Variants in GPCPD1 observed in about 807,000 individuals in gnomAD.
GPCPD1 encodes glycerophosphocholine phosphodiesterase 1.
A neutral mutation model predicts 89.2 loss-of-function variants in GPCPD1; 29 were observed. That is an observed-to-expected ratio of 0.33 (90% CI 0.24 to 0.44). The LOEUF (loss-of-function observed/expected upper bound fraction) is 0.44. Ranked by LOEUF, GPCPD1 falls within the 20% of genes least tolerant of loss-of-function variation. GPCPD1 has a pLI of 1.00. For synonymous variants in GPCPD1, 258 were observed against 266.3 expected (o/e 0.97, Z 0.30); for missense variants, 594 against 808.9 (o/e 0.73, Z 3.22).
At chr20:5,594,198 T>C (rs1979535500) in intron 3 of GPCPD1, among the ~76,000 whole-genome samples, 1 of 152,190 alleles carries the variant, frequency 6.6e-6, no homozygotes, top group Non-Finnish European at 1.5e-5. Context: ...GGGAGCTTCT[T>C]AGAAATGCAA....
intron 7 of GPCPD1, 66 bp from the exon 8 acceptor site, chr20:5,578,677 C>T (rs1420422911): frequency 2.1e-6 from 2 of 974,950 alleles, no homozygotes; most frequent in African/African-American, 3.2e-5. Flanking sequence ...ACAAATGTTG[C>T]CTAAATTCTA....
At chr20:5,553,164 C>G (rs1311768793) in intron 19 of GPCPD1, among the ~76,000 whole-genome samples, 2 of 152,170 alleles carry the variant, frequency 1.3e-5, no homozygotes, top group African/African-American at 4.8e-5. Flanking sequence ...ACAGCATCTG[C>G]TCACTTCATA....
intron 19 of GPCPD1, among the ~76,000 whole-genome samples, chr20:5,552,598 T>C (rs1985487124): frequency 6.6e-6 from 1 of 152,238 alleles, no homozygotes; most frequent in Non-Finnish European, 1.5e-5. Flanking sequence ...AATACACATA[T>C]AACCATATAC....
chr20:5,594,723 G>A (rs1416512984), intron 3 of GPCPD1, among the ~76,000 whole-genome samples: 1 of 152,196 alleles, frequency 6.6e-6, no homozygotes, highest in African/African-American at 2.4e-5. Context: ...TCCTTACTCT[G>A]ATACAAGCTT....
In GPCPD1 at chr20:5,558,675, A is replaced by G. The variant is rs765966956; in HGVS notation, c.1668+9T>C. ...ACATTAAAAAGATAAAAATTCAAAC[A>G]TAACTTACCAGTAGATTTTCAAACT... On this transcript the variant is annotated intron_variant, in intron 18 of 19. Transcript: ENST00000379019. 5 of 1,513,440 alleles carry G rather than the reference A, an allele frequency of 3.3e-6. No homozygotes were observed. In the East Asian group the frequency reaches 9.3e-5, roughly 28 times the overall value. 93.8% of individuals were successfully genotyped at this position (1,513,440 alleles called of 1,614,324 possible).
chr20:5,561,213 A>G (rs575295652), intron 16 of GPCPD1, among the ~76,000 whole-genome samples: 1 of 152,300 alleles, frequency 6.6e-6, no homozygotes, highest in East Asian at 1.9e-4. Context: ...CCCCAAAACC[A>G]CCATATTGTT....
At chr20:5,567,725 C>T in intron 12 of GPCPD1, 165 bp from the exon 13 acceptor site, 1 of 610,336 alleles carries the variant, frequency 1.6e-6, no homozygotes, top group Non-Finnish European at 2.6e-6. Context: ...CCATGCAGGA[C>T]AGCCCTTCTA....
At chr20:5,575,041 C>T (rs1005232090) in intron 10 of GPCPD1, among the ~76,000 whole-genome samples, 5 of 152,194 alleles carry the variant, frequency 3.3e-5, no homozygotes, top group Admixed American at 3.3e-4. Context: ...TTTAGTCACA[C>T]TTTTCTAGAC....
chr20:5,578,537 G>C lies in GPCPD1; in HGVS notation c.548C>G (p.Ser183Cys). The C allele has an allele frequency of 6.2e-7, 1 of 1,613,706 alleles. No individual in the cohort carries two copies. The highest frequency in any genetic ancestry group is 8.5e-7 in the Non-Finnish European group (1 of 1,179,610). ...TATTAAGGATATCTCCAAGCTATTG[G>C]ACATTTTGTGGAGTACAGTGGGAGA... ...RVSPTVLHKMSNSLEISLISD... is the reference protein window; with the variant it reads ...RVSPTVLHKMCNSLEISLISD... Residue 183 changes from serine to cysteine, a missense_variant, in exon 8 of 20, where the codon TCC becomes TGC. Coordinates refer to ENST00000379019, the MANE Select transcript of GPCPD1 (RefSeq NM_019593.5).
chr20:5,564,203 A>C (rs1986244633), intron 15 of GPCPD1, among the ~76,000 whole-genome samples: 1 of 152,048 alleles, frequency 6.6e-6, no homozygotes, highest in East Asian at 1.9e-4. Flanking sequence ...TTTTGTGTGA[A>C]GATCTATTTT....
chr20:5,604,306 C>A, intron 2 of GPCPD1, 58 bp downstream of exon 2: 1 of 874,454 alleles, frequency 1.1e-6, no homozygotes, highest in South Asian at 1.4e-5. Context: ...TAAGGTAATC[C>A]AGATAAGAAA....
chr20:5,589,568 T>G (rs1568670465), intron 4 of GPCPD1, among the ~76,000 whole-genome samples: 1 of 152,056 alleles, frequency 6.6e-6, no homozygotes, highest in Non-Finnish European at 1.5e-5. Flanking sequence ...GCCATTACAC[T>G]CCAGCCTGGG....
rs1401674425 is a variant in GPCPD1, at chr20:5,546,615, C to T, written c.*1046G>A. The T allele has an allele frequency of 1.3e-5, 2 of 152,210 alleles. No homozygotes were observed. Among genetic ancestry groups the T allele is most frequent in the Non-Finnish European group, 2.9e-5 (2 of 68,034 alleles). The allele number at this position is 152,210 out of a possible 1,614,324, so 9.4% of individuals were successfully genotyped here. A position where few individuals can be genotyped will look rare whatever the true frequency, so the allele number is the denominator to read the frequency against. ...CCTACATTTCTAAATAAATTACATG[C>T]ATGATATACAATAAAGAATACTAAT... is the stretch of plus-strand genomic sequence containing the variant. On this transcript the variant is annotated 3_prime_UTR_variant, in exon 20 of 20. Transcript: ENST00000379019.
chr20:5,567,659 G>A, intron 12 of GPCPD1, 99 bp from the exon 13 acceptor site: 1 of 1,086,090 alleles, frequency 9.2e-7, no homozygotes, highest in Non-Finnish European at 1.3e-6. Context: ...CACTAGACAG[G>A]CCTAGCAACT....
In GPCPD1 at chr20:5,544,989, T is replaced by C. The variant is rs11571; in HGVS notation, c.*2672A>G. 0.21 allele frequency: 32,472 copies of C among 151,974 alleles called. 3,540 individuals are homozygous for C. Among genetic ancestry groups the C allele is most frequent in the Middle Eastern group, 0.31 (91 of 294 alleles). 9.4% of individuals were successfully genotyped at this position (151,974 alleles called of 1,614,324 possible). On this transcript the variant is annotated 3_prime_UTR_variant, in exon 20 of 20. Transcript: ENST00000379019. ...ACTTTCCACACAGGGGTGGGTGGTGTGCCTCACATTTACAGCCGATCATTT... is the reference window on the plus strand; with the variant it reads ...ACTTTCCACACAGGGGTGGGTGGTGCGCCTCACATTTACAGCCGATCATTT...
intron 19 of GPCPD1, among the ~76,000 whole-genome samples, chr20:5,550,093 T>TG (rs1985295440): frequency 6.6e-6 from 1 of 151,460 alleles, no homozygotes; most frequent in Admixed American, 6.6e-5. Context: ...CTTGGGAGAC[T>TG]GAGGCATGAG....
At chr20:5,553,667 G>A (rs1181145186) in intron 19 of GPCPD1, among the ~76,000 whole-genome samples, 2 of 152,144 alleles carry the variant, frequency 1.3e-5, no homozygotes, top group Admixed American at 6.5e-5. Context: ...TTGCTGATAA[G>A]GAGAAAGTTT....
At chr20:5,585,628 C>CAAAAAAAAAAAAAAAAAA (rs11481998) in intron 5 of GPCPD1, 3 of 121,036 alleles carry the variant, frequency 2.5e-5, no homozygotes, top group African/African-American at 3.0e-5. Flanking sequence ...AAAAAAAAGA[C>CAAAAAAAAAAAAAAAAAA]AAAAAAAAAA....
In GPCPD1 at chr20:5,575,515, C is replaced by G. The variant is rs774401526; in HGVS notation, c.899G>C (p.Gly300Ala). The change falls in exon 10 of 20, where the codon GGA (glycine) becomes GCA (alanine). Residue 300 changes from glycine to alanine, a missense_variant. By Grantham distance (60) the Gly-to-Ala change is moderately conservative. Transcript: ENST00000379019. The stretch of plus-strand genomic sequence containing the variant: ...TGAAGATTTCATGTCACAACTGTAT[C>G]CTGGTAATGGCTTAATAATTATATA... ...VDYIIIKPLP[G>A]YSCDMKSSFS... The G allele has an allele frequency of 1.3e-6, 2 of 1,583,506 alleles. No homozygotes were observed. The highest frequency in any genetic ancestry group is 1.7e-6 in the Non-Finnish European group (2 of 1,152,698).
Sources: allele counts gnomAD v4.1 joint callset (sites outside exome capture counted in the v4.1 genomes callset), GRCh38; gene constraint gnomAD v4.1.1; transcripts MANE v1.5; gene names NCBI Gene and HGNC (gene_info 2026-07-23, HGNC 2026-07-21).